TENM4: variants seen among roughly 807,000 people sequenced by gnomAD.
TENM4 encodes the protein teneurin-4.
In TENM4, 82 loss-of-function variants were observed where a neutral mutation model predicts 243.3. That is an observed-to-expected ratio of 0.34 (90% confidence interval 0.28 to 0.40). The LOEUF (loss-of-function observed/expected upper bound fraction) is 0.40, where lower values mean the gene tolerates loss of function less well. Ranked by LOEUF, TENM4 falls within the 10% of genes least tolerant of loss-of-function variation. The probability of loss-of-function intolerance (pLI) is 1.00; values close to 1 mark genes in which losing one functional copy is unlikely to be tolerated. For missense variants in TENM4, 3,138 were observed against 3,673.3 expected (o/e 0.85, Z 3.77); for synonymous variants, 1,412 against 1,456.3 (o/e 0.97, Z 0.69).
chr11:78,725,280 G>A (rs1375611351), intron 23 of TENM4, among the ~76,000 whole-genome samples: 1 of 152,198 alleles, frequency 6.6e-6, no homozygotes, highest in Non-Finnish European at 1.5e-5. Context: ...TTTAGAATTA[G>A]TTTGTCAATT....
intron 4 of TENM4, among the ~76,000 whole-genome samples, chr11:79,081,294 G>T (rs1374860102): frequency 1.3e-5 from 2 of 152,190 alleles, no homozygotes; most frequent in Non-Finnish European, 2.9e-5. Flanking sequence ...CAGAGAAGAT[G>T]CTCTGTTGAG....
At chr11:78,700,092 T>C (rs1258224103) in intron 28 of TENM4, among the ~76,000 whole-genome samples, 1 of 152,248 alleles carries the variant, frequency 6.6e-6, no homozygotes, top group East Asian at 1.9e-4. Context: ...TCAAATTATA[T>C]TTAAAAATCA....
chr11:79,401,647 A>G (rs897584901), intron 1 of TENM4, among the ~76,000 whole-genome samples: 5 of 152,358 alleles, frequency 3.3e-5, no homozygotes, highest in African/African-American at 1.2e-4. Flanking sequence ...CTTAACATCA[A>G]TGAGTTCATC....
intron 12 of TENM4, among the ~76,000 whole-genome samples, chr11:78,825,295 A>T (rs1257899355): frequency 6.6e-6 from 1 of 152,228 alleles, no homozygotes; most frequent in Non-Finnish European, 1.5e-5. Flanking sequence ...TGCCTTACAC[A>T]GTTGTGAAAA....
chr11:79,364,784 C>A (rs897471755), intron 1 of TENM4, among the ~76,000 whole-genome samples: 2 of 152,168 alleles, frequency 1.3e-5, no homozygotes, highest in African/African-American at 4.8e-5. Flanking sequence ...AACACTCATG[C>A]CTGTGGTCCT....
chr11:78,982,712 T>C (rs73502666), intron 6 of TENM4, among the ~76,000 whole-genome samples: 1,713 of 152,322 alleles, frequency 0.011, 40 homozygotes, highest in African/African-American at 0.04. Context: ...GAAGGGCTTA[T>C]ACAAAGCGCA....
At chr11:78,700,673 T>C (rs1859080771) in intron 28 of TENM4, among the ~76,000 whole-genome samples, 1 of 152,194 alleles carries the variant, frequency 6.6e-6, no homozygotes, top group African/African-American at 2.4e-5. Flanking sequence ...GAACTTCTGG[T>C]TCTCTGATCA....
Position 78,701,848 on chromosome 11 carries a change from A to G in TENM4, c.4765T>C (p.Phe1589Leu). The change falls in exon 28 of 34, where the codon TTT (phenylalanine) becomes CTT (leucine). Residue 1589 changes from phenylalanine to leucine, a missense_variant. Physicochemically the swap from Phe to Leu is conservative, Grantham distance 22. This residue lies in a region of TENM4 where 2,467 missense variants were observed against 3,059.1 expected (regional missense o/e 0.81). Coordinates refer to ENST00000278550, the MANE Select transcript of TENM4 (RefSeq NM_001098816.3). ...TACAGGTGCTTGCCGGTGGTATCAA[A>G]CAGATAGAGCTCCTGGTCAATTGGT... ...SSPIDQELYL[F>L]DTTGKHLYTQ... 1 of 1,614,028 alleles carries G rather than the reference A, an allele frequency of 6.2e-7. No homozygotes were observed. Among genetic ancestry groups the G allele is most frequent in the Non-Finnish European group, 8.5e-7 (1 of 1,179,886 alleles).
At chr11:79,189,579 T>G (rs116988817) in intron 3 of TENM4, among the ~76,000 whole-genome samples, 3,473 of 152,346 alleles carry the variant, frequency 0.023, 63 homozygotes, top group Non-Finnish European at 0.033. Flanking sequence ...TCTTCCCATG[T>G]CATTTAGCAC....
At chr11:78,726,486 C>A (rs1294577944) in intron 22 of TENM4, among the ~76,000 whole-genome samples, 1 of 152,106 alleles carries the variant, frequency 6.6e-6, no homozygotes, top group East Asian at 1.9e-4. Context: ...CTAAGTGAAT[C>A]CCTTCCAAGG....
intron 5 of TENM4, among the ~76,000 whole-genome samples, chr11:79,066,937 C>T (rs1236925331): frequency 6.6e-6 from 1 of 152,232 alleles, no homozygotes; most frequent in African/African-American, 2.4e-5. Flanking sequence ...CAGGCTGGGA[C>T]AGCCTTGATG....
At chr11:79,208,587 A>G (rs1863894123) in intron 3 of TENM4, among the ~76,000 whole-genome samples, 1 of 152,212 alleles carries the variant, frequency 6.6e-6, no homozygotes, top group Non-Finnish European at 1.5e-5. Context: ...CCTTGATCCA[A>G]TTCCAGACTC....
chr11:79,353,756 G>GA (rs10643530), intron 1 of TENM4, among the ~76,000 whole-genome samples: 38,458 of 142,686 alleles, frequency 0.27, 5,372 homozygotes, highest in Middle Eastern at 0.38. Flanking sequence ...GAAAAAGGAG[G>GA]AAAAAAAAAA....
chr11:79,175,614 A>G (rs935285501), intron 3 of TENM4, among the ~76,000 whole-genome samples: 1 of 152,216 alleles, frequency 6.6e-6, no homozygotes, highest in Non-Finnish European at 1.5e-5. Flanking sequence ...ATGCAGTCCT[A>G]TTTTTAGAAA....
intron 1 of TENM4, among the ~76,000 whole-genome samples, chr11:79,395,003 C>T (rs887075905): frequency 2.0e-5 from 3 of 152,170 alleles, no homozygotes; most frequent in African/African-American, 4.8e-5. Flanking sequence ...ATTGCCAACA[C>T]CTGGATTTCA....
chr11:79,304,160 A>C (rs948344356), intron 1 of TENM4, among the ~76,000 whole-genome samples: 2 of 152,184 alleles, frequency 1.3e-5, no homozygotes, highest in Admixed American at 1.3e-4. Context: ...AGTGGGTCAC[A>C]ACCTGCAAGG....
chr11:79,360,155 C>A (rs1857566985), intron 1 of TENM4, among the ~76,000 whole-genome samples: 1 of 152,128 alleles, frequency 6.6e-6, no homozygotes, highest in African/African-American at 2.4e-5. Context: ...TATTATAGTT[C>A]ATTTATGTGT....
intron 18 of TENM4, among the ~76,000 whole-genome samples, chr11:78,760,285 C>A (rs1435744847): frequency 6.6e-6 from 1 of 152,204 alleles, no homozygotes; most frequent in Non-Finnish European, 1.5e-5. Context: ...GCCTTTTATT[C>A]TGTGATCGGT....
chr11:78,762,562 T>C (rs1265294800), intron 18 of TENM4, among the ~76,000 whole-genome samples: 2 of 152,190 alleles, frequency 1.3e-5, no homozygotes, highest in African/African-American at 4.8e-5. Context: ...GTGGGAGTGA[T>C]TAATGCCTAT....
Sources: allele counts gnomAD v4.1 joint callset (sites outside exome capture counted in the v4.1 genomes callset), GRCh38; gene constraint gnomAD v4.1.1; regional missense constraint gnomAD v4.1.1; transcripts MANE v1.5; gene names NCBI Gene and HGNC (gene_info 2026-07-23, HGNC 2026-07-21).